The following RB1 variants were observed in gnomAD, a reference collection of about 807,000 sequenced individuals.
The protein encoded by RB1 is RB transcriptional corepressor 1.
A neutral mutation model predicts 135.4 loss-of-function variants in RB1; 18 were observed. That is an observed-to-expected ratio of 0.13 (90% CI 0.09 to 0.20). RB1 has a LOEUF of 0.20. Ranked by LOEUF, RB1 falls within the 10% of genes least tolerant of loss-of-function variation. The pLI, the probability that RB1 is intolerant of heterozygous loss-of-function variation, is 1.00. For missense variants in RB1, 868 were observed against 1,110.0 expected (o/e 0.78, Z 3.10); for synonymous variants, 365 against 373.2 (o/e 0.98, Z 0.25).
chr13:48,403,866 A>G (rs1259141877), intron 17 of RB1, among the ~76,000 whole-genome samples: 2 of 152,112 alleles, frequency 1.3e-5, no homozygotes, highest in African/African-American at 4.8e-5. Flanking sequence ...AGAATAAAAA[A>G]AATGCACCTC....
intron 23 of RB1, among the ~76,000 whole-genome samples, chr13:48,473,045 AC>A (rs1390128786): frequency 6.6e-6 from 1 of 152,140 alleles, no homozygotes; most frequent in African/African-American, 2.4e-5. Flanking sequence ...TTGATAACTT[AC>A]CCATTGATTT....
intron 13 of RB1, 69 bp downstream of exon 13, chr13:48,377,103 C>T (rs907286092): frequency 2.1e-5 from 30 of 1,435,266 alleles, no homozygotes; most frequent in Middle Eastern, 1.8e-4. Context: ...CTTTCCAGTT[C>T]GTATAAATAC....
chr13:48,376,362 G>A (rs1193027557), intron 12 of RB1, among the ~76,000 whole-genome samples: 1 of 151,958 alleles, frequency 6.6e-6, no homozygotes, highest in Non-Finnish European at 1.5e-5. Context: ...TTAGTGAGGC[G>A]TGGTGCGCTT....
chr13:48,338,775 C>G (rs375713265), intron 2 of RB1, among the ~76,000 whole-genome samples: 1 of 152,200 alleles, frequency 6.6e-6, no homozygotes, highest in South Asian at 2.1e-4. Flanking sequence ...GAATTTTCAG[C>G]TTTTCTGCTG....
At chr13:48,351,429 G>GTTGGT (rs1952546581) in intron 6 of RB1, among the ~76,000 whole-genome samples, 1 of 151,886 alleles carries the variant, frequency 6.6e-6, no homozygotes, top group East Asian at 1.9e-4. Flanking sequence ...TTTTAGTGGG[G>GTTGGT]TTGGTTTTTT....
At position 48,436,535 on chromosome 13, in the gene RB1, C is replaced by T. The variant is rs192753022; in HGVS notation, c.1696-16458C>T. Among the ~76,000 whole-genome samples the T allele has an allele frequency of 5.6e-3, 848 of 151,902 alleles. 5 individuals carry two copies. Among genetic ancestry groups the T allele is most frequent in the Middle Eastern group, 0.01 (3 of 294 alleles). On this transcript the variant is annotated intron_variant, in intron 17 of 26. Coordinates refer to ENST00000267163, the MANE Select transcript of RB1 (RefSeq NM_000321.3). ...GCACATGCCTGTAATCCCAGCTACT[C>T]GGGAGGCTGAGGCAGGAGAATCGCT...
intron 17 of RB1, among the ~76,000 whole-genome samples, chr13:48,389,337 G>A (rs1055761346): frequency 6.6e-6 from 1 of 151,956 alleles, no homozygotes; most frequent in Admixed American, 6.6e-5. Context: ...AAATGAAGGG[G>A]TGGGGATAGG....
rs538418407 is a variant in RB1, at chr13:48,394,920, G to A, written c.1695+13477G>A. On this transcript the variant is annotated intron_variant, in intron 17 of 26. Coordinates refer to ENST00000267163, the MANE Select transcript of RB1 (RefSeq NM_000321.3). ...GCTAAGGGACAGACTGTCTCCTCAAGTGGGTCCCTGACCCCTGTGCCTCCT... is the reference window on the plus strand; with the variant it reads ...GCTAAGGGACAGACTGTCTCCTCAAATGGGTCCCTGACCCCTGTGCCTCCT... Among the ~76,000 whole-genome samples, 7 of 152,356 alleles carry A rather than the reference G, an allele frequency of 4.6e-5. No individual in the cohort carries two copies. The South Asian group carries it at 1.2e-3, about 27-fold the overall frequency.
intron 17 of RB1, among the ~76,000 whole-genome samples, chr13:48,384,430 C>T (rs947868373): frequency 2.0e-5 from 3 of 152,002 alleles, no homozygotes; most frequent in African/African-American, 4.8e-5. Flanking sequence ...GATACATTTG[C>T]GTTTTCACAG....
At chr13:48,325,330 C>A (rs1952278348) in intron 2 of RB1, among the ~76,000 whole-genome samples, 1 of 152,146 alleles carries the variant, frequency 6.6e-6, no homozygotes, top group Non-Finnish European at 1.5e-5. Context: ...CTAGTTATAT[C>A]CATAGAAATG....
intron 21 of RB1, 59 bp from the exon 22 acceptor site, chr13:48,464,939 A>G: frequency 6.8e-7 from 1 of 1,478,948 alleles, no homozygotes; most frequent in South Asian, 1.4e-5. Context: ...TTTAAAATTC[A>G]TTTAACAAGT....
chr13:48,380,493 A>C (rs1948525998), intron 16 of RB1, among the ~76,000 whole-genome samples: 1 of 152,122 alleles, frequency 6.6e-6, no homozygotes, highest in African/African-American at 2.4e-5. Flanking sequence ...TGAATCCAAA[A>C]AAGGTACTTT....
intron 17 of RB1, among the ~76,000 whole-genome samples, chr13:48,438,758 A>AT (rs1242833189): frequency 6.6e-6 from 1 of 152,226 alleles, no homozygotes; most frequent in African/African-American, 2.4e-5. Flanking sequence ...AGAATTAAAT[A>AT]ATATAAGTAA....
intron 17 of RB1, chr13:48,401,179 T>C (rs1202521044): frequency 6.6e-6 from 1 of 152,212 alleles, no homozygotes; most frequent in Non-Finnish European, 1.5e-5. Flanking sequence ...GGACATACTC[T>C]CTGTACCTAA....
At chr13:48,436,942 A>T in intron 17 of RB1, among the ~76,000 whole-genome samples, 1 of 152,198 alleles carries the variant, frequency 6.6e-6, no homozygotes, top group South Asian at 2.1e-4. Context: ...TAATTTTTCT[A>T]CTAGCACTAC....
At chr13:48,460,405 CAA>C (rs1390224631) in intron 20 of RB1, among the ~76,000 whole-genome samples, 17 of 152,122 alleles carry the variant, frequency 1.1e-4, no homozygotes, top group Admixed American at 7.2e-4. Flanking sequence ...CTTTAACACT[CAA>C]GAGTATATTT....
chr13:48,388,991 C>T (rs2138155505), intron 17 of RB1, among the ~76,000 whole-genome samples: 1 of 151,970 alleles, frequency 6.6e-6, no homozygotes, highest in South Asian at 2.1e-4. Context: ...AAAACCCTGT[C>T]TCTACTAAAA....
intron 17 of RB1, among the ~76,000 whole-genome samples, chr13:48,443,349 A>G (rs560979875): frequency 6.6e-6 from 1 of 152,054 alleles, no homozygotes; most frequent in Admixed American, 6.5e-5. Flanking sequence ...AAGCTTCTCT[A>G]TTCATTTGCT....
chr13:48,474,421 C>T lies in RB1; in HGVS notation c.2520+1031C>T, dbSNP rs4151616. Among the ~76,000 whole-genome samples, 58 of 152,250 alleles carry T rather than the reference C, an allele frequency of 3.8e-4. No homozygotes were observed. In the East Asian group the frequency reaches 9.8e-3, roughly 26 times the overall value. On this transcript the variant is annotated intron_variant, in intron 24 of 26. Coordinates refer to ENST00000267163, the MANE Select transcript of RB1 (RefSeq NM_000321.3). Reference sequence around the variant, plus strand: ...TCGAAGGGTTTTAGGAGCTCTGTCCCAGGAACCAGGGACAAAGACCAAATA... The same window carrying T: ...TCGAAGGGTTTTAGGAGCTCTGTCCTAGGAACCAGGGACAAAGACCAAATA...
Sources: allele counts gnomAD v4.1 joint callset (sites outside exome capture counted in the v4.1 genomes callset), GRCh38; gene constraint gnomAD v4.1.1; transcripts MANE v1.5; gene names NCBI Gene and HGNC (gene_info 2026-07-23, HGNC 2026-07-21).